Variants in ESCO1 observed in about 807,000 individuals in gnomAD.
ESCO1 encodes N-acetyltransferase ESCO1.
In ESCO1, 33 loss-of-function variants were observed where a neutral mutation model predicts 83.5. The ratio of observed to expected loss-of-function variants is 0.40; its 90% CI spans 0.30 to 0.53. ESCO1 has a LOEUF of 0.53. ESCO1 is among the 20% of genes least tolerant of loss of function. ESCO1 has a pLI of 0.63. For missense variants in ESCO1, 855 were observed against 968.0 expected (o/e 0.88, Z 1.55); for synonymous variants, 332 against 324.3 (o/e 1.02, Z -0.25).
chr18:21,544,405 G>A (rs974951251), intron 8 of ESCO1, among the ~76,000 whole-genome samples: 7 of 151,308 alleles, frequency 4.6e-5, no homozygotes, highest in South Asian at 2.1e-4. Flanking sequence ...TCAGAAGTTC[G>A]AGACCAGCCT....
intron 1 of ESCO1, among the ~76,000 whole-genome samples, chr18:21,586,359 ATAT>A (rs1488087253): frequency 6.6e-6 from 1 of 152,206 alleles, no homozygotes; most frequent in African/African-American, 2.4e-5. Flanking sequence ...ACAAGATTTC[ATAT>A]TTTTATGGCT....
chr18:21,579,794 G>GCACACA (rs765904584), intron 2 of ESCO1, among the ~76,000 whole-genome samples: 60 of 37,158 alleles, frequency 1.6e-3, no homozygotes, highest in Non-Finnish European at 4.4e-3. Context: ...ACGCGCGCGC[G>GCACACA]CACACACACA....
intron 8 of ESCO1, among the ~76,000 whole-genome samples, chr18:21,547,895 A>G (rs2037994077): frequency 6.6e-6 from 1 of 151,696 alleles, no homozygotes; most frequent in South Asian, 2.1e-4. Context: ...CGAGGTCAGG[A>G]GATCGAGACC....
chr18:21,599,280 C>A (rs574256389), intron 1 of ESCO1, among the ~76,000 whole-genome samples: 1 of 152,198 alleles, frequency 6.6e-6, no homozygotes, highest in Non-Finnish European at 1.5e-5. Context: ...GAGGTCAAGG[C>A]TGCAGTGAAC....
chr18:21,581,890 G>C (rs2038507103), intron 2 of ESCO1, among the ~76,000 whole-genome samples: 2 of 151,104 alleles, frequency 1.3e-5, no homozygotes, highest in South Asian at 2.1e-4. Flanking sequence ...GACCAGACTG[G>C]GCAACACAGT....
intron 1 of ESCO1, among the ~76,000 whole-genome samples, chr18:21,587,883 CA>C (rs898807582): frequency 1.3e-5 from 2 of 151,950 alleles, no homozygotes; most frequent in African/African-American, 2.4e-5. Flanking sequence ...GCCTGGGCAA[CA>C]CAGCAAAACG....
intron 8 of ESCO1, among the ~76,000 whole-genome samples, chr18:21,557,800 G>A (rs532406907): frequency 6.6e-6 from 1 of 152,238 alleles, no homozygotes; most frequent in East Asian, 1.9e-4. Flanking sequence ...GCCTTGCAAC[G>A]TGGCTCAATA....
intron 2 of ESCO1, among the ~76,000 whole-genome samples, chr18:21,577,399 C>A (rs1185836817): frequency 1.4e-5 from 2 of 145,664 alleles, no homozygotes; most frequent in African/African-American, 5.1e-5. Flanking sequence ...TGGGCTCACA[C>A]CTGTAATCCC....
rs1343059339 is a variant in ESCO1 at position 21,575,732 on chromosome 18, G to A, written c.-648C>T. The A allele has an allele frequency of 2.5e-6, 1 of 398,058 alleles. No homozygotes were observed. Among genetic ancestry groups the A allele is most frequent in the Admixed American group, 4.4e-5 (1 of 22,676 alleles). 24.7% of individuals were successfully genotyped at this position (398,058 alleles called of 1,614,324 possible). On this transcript the variant is annotated 5_prime_UTR_variant, in exon 3 of 12. Transcript: ENST00000269214. ...CCACCATAACTCATGAAGAAAATTA[G>A]ACAAAACCATTCCTTCTAATATGCT...
At chr18:21,595,385 AAGG>A (rs2038748890) in intron 1 of ESCO1, among the ~76,000 whole-genome samples, 1 of 133,308 alleles carries the variant, frequency 7.5e-6, no homozygotes, top group African/African-American at 3.0e-5. Context: ...AAAAAAAAAA[AAGG>A]GGCCGGCGCT....
At chr18:21,596,613 A>G (rs1478909687) in intron 1 of ESCO1, among the ~76,000 whole-genome samples, 1 of 152,098 alleles carries the variant, frequency 6.6e-6, no homozygotes, top group East Asian at 1.9e-4. Context: ...TAGGGGGATC[A>G]CCTGAGGTCA....
chr18:21,576,444 A>G (rs1598472363), intron 2 of ESCO1, among the ~76,000 whole-genome samples: 1 of 152,358 alleles, frequency 6.6e-6, no homozygotes, highest in Admixed American at 6.5e-5. Context: ...TGAAGGTTGC[A>G]GTAAGCTATA....
chr18:21,566,814 C>T (rs1012973855), intron 5 of ESCO1, among the ~76,000 whole-genome samples: 4 of 150,506 alleles, frequency 2.7e-5, no homozygotes, highest in African/African-American at 4.9e-5. Context: ...GAGCTGAGAT[C>T]GCGCCACTGC....
intron 8 of ESCO1, among the ~76,000 whole-genome samples, chr18:21,541,103 T>C (rs2037899989): frequency 6.6e-6 from 1 of 152,170 alleles, no homozygotes; most frequent in African/African-American, 2.4e-5. Context: ...GCTTGGTATA[T>C]GTAACAATTT....
intron 8 of ESCO1, 55 bp downstream of exon 8, chr18:21,560,804 G>T: frequency 6.3e-7 from 1 of 1,578,054 alleles, no homozygotes. Flanking sequence ...ATCTCATTAA[G>T]AGACCGACCT....
At position 21,530,235 on chromosome 18, in the gene ESCO1, C is replaced by CA. The variant is rs1256453270; in HGVS notation, c.*107dup. 7.8e-6 allele frequency: 7 copies of CA among 892,766 alleles called. No individual in the cohort carries two copies. Among genetic ancestry groups the CA allele is most frequent in the Non-Finnish European group, 1.1e-5 (7 of 633,430 alleles). The allele number at this position is 892,766 out of a possible 1,614,324, so 55.3% of individuals were successfully genotyped here. On this transcript the variant is annotated 3_prime_UTR_variant, in exon 12 of 12. Transcript: ENST00000269214. Reference sequence around the variant, plus strand: ...AATGGAACAACCATATGGTTGTTGCCAGTCCTGAGTTCATTGTAATAAAAA... The same window carrying CA: ...AATGGAACAACCATATGGTTGTTGCCAAGTCCTGAGTTCATTGTAATAAAAA...
intron 8 of ESCO1, among the ~76,000 whole-genome samples, chr18:21,540,269 T>C (rs2037889444): frequency 6.6e-6 from 1 of 152,166 alleles, no homozygotes. Flanking sequence ...ATTTCTAATT[T>C]ATCATTTCCC....
intron 9 of ESCO1, among the ~76,000 whole-genome samples, chr18:21,539,590 G>A (rs934127814): frequency 6.6e-6 from 1 of 152,182 alleles, no homozygotes; most frequent in African/African-American, 2.4e-5. Flanking sequence ...AGTGGTTCAA[G>A]CCTGTAATCC....
In ESCO1 at chr18:21,574,522, C is replaced by G; in HGVS notation, c.322G>C (p.Val108Leu). Residue 108 changes from valine (V) to leucine (L), a missense_variant, in exon 4 of 12, where the codon GTA becomes CTA. Val to Leu is a conservative substitution (Grantham distance 32, BLOSUM62 1). Coordinates refer to ENST00000269214, the MANE Select transcript of ESCO1 (RefSeq NM_052911.3). ...TCATTTGCTTTAGGGTTTTCATGTA[C>G]TAATTTTTTCTGAGATAATTTCTTT... ...TKKKLSQKKL[V>L]HENPKANEQL... 1.2e-6 allele frequency: 2 copies of G among 1,613,738 alleles called. No homozygotes were observed. Among genetic ancestry groups the G allele is most frequent in the Non-Finnish European group, 1.7e-6 (2 of 1,179,936 alleles).
Sources: allele counts gnomAD v4.1 joint callset (sites outside exome capture counted in the v4.1 genomes callset), GRCh38; gene constraint gnomAD v4.1.1; transcripts MANE v1.5; gene names NCBI Gene and HGNC (gene_info 2026-07-23, HGNC 2026-07-21).